ZNF385D: variants seen among roughly 807,000 people sequenced by gnomAD.
The protein encoded by ZNF385D is zinc finger protein 659.
A neutral mutation model predicts 35.8 loss-of-function variants in ZNF385D; 15 were observed. The observed-to-expected ratio is 0.42, with a 90% CI of 0.28 to 0.64. The LOEUF is 0.64. Ranked by LOEUF, ZNF385D falls within the 30% of genes least tolerant of loss-of-function variation. The pLI is 0.23. For synonymous variants in ZNF385D, 212 were observed against 186.8 expected (o/e 1.13, Z -1.10); for missense variants, 474 against 494.6 (o/e 0.96, Z 0.39).
intron 3 of ZNF385D, among the ~76,000 whole-genome samples, chr3:21,990,974 T>C (rs1412364458): frequency 6.6e-6 from 1 of 152,208 alleles, no homozygotes; most frequent in Non-Finnish European, 1.5e-5. Flanking sequence ...AACAGTGCAC[T>C]GTACCAAGAA....
chr3:21,698,527 G>A (rs1326037540), intron 1 of ZNF385D, among the ~76,000 whole-genome samples: 1 of 151,978 alleles, frequency 6.6e-6, no homozygotes, highest in Non-Finnish European at 1.5e-5. Flanking sequence ...TTGGTTGATG[G>A]ATACACTAGA....
rs373427998 is a variant in ZNF385D at position 21,546,112 on chromosome 3, C to T, written c.276+18462G>A. Among the ~76,000 whole-genome samples, 49 of 152,064 alleles carry T rather than the reference C, an allele frequency of 3.2e-4. 1 individual carries two copies. The East Asian group carries it at 7.6e-3, about 23-fold the overall frequency. ...GAGGACTGGAAGGAGAAATTATGTC[C>T]CAAAACTCATCAAACTTACCATACA... On this transcript the variant is annotated intron_variant, in intron 3 of 7. Transcript: ENST00000281523.
chr3:21,554,087 G>T (rs2062651910), intron 3 of ZNF385D, among the ~76,000 whole-genome samples: 1 of 152,122 alleles, frequency 6.6e-6, no homozygotes, highest in African/African-American at 2.4e-5. Context: ...ATGTAGAATG[G>T]TGAATTTTTT....
At chr3:21,437,387 T>C (rs1312339446) in intron 4 of ZNF385D, among the ~76,000 whole-genome samples, 184 bp from the exon 5 acceptor site, 1 of 152,132 alleles carries the variant, frequency 6.6e-6, no homozygotes, top group Non-Finnish European at 1.5e-5. Context: ...TTTAATTTTA[T>C]GTATTAAAAT....
chr3:22,078,915 T>C (rs1355426259), intron 3 of ZNF385D, among the ~76,000 whole-genome samples: 2 of 152,094 alleles, frequency 1.3e-5, no homozygotes, highest in East Asian at 1.9e-4. Context: ...AAAGTATGCT[T>C]TGTCAAAAAA....
intron 3 of ZNF385D, among the ~76,000 whole-genome samples, chr3:21,791,064 A>C (rs2071907715): frequency 6.6e-6 from 1 of 152,342 alleles, no homozygotes; most frequent in Admixed American, 6.5e-5. Flanking sequence ...CTTTATTCTC[A>C]ATTTACCAGA....
At chr3:22,275,883 G>A (rs148293191) in intron 2 of ZNF385D, among the ~76,000 whole-genome samples, 7 of 152,174 alleles carry the variant, frequency 4.6e-5, no homozygotes, top group East Asian at 1.9e-4. Flanking sequence ...TCAGGAGTTC[G>A]AGACCAGCCT....
intron 2 of ZNF385D, among the ~76,000 whole-genome samples, chr3:22,274,669 TTA>T (rs1491247578): frequency 6.6e-6 from 1 of 151,704 alleles, no homozygotes; most frequent in Non-Finnish European, 1.5e-5. Context: ...AGTAAATTTT[TTA>T]AAAAAAAGAA....
At chr3:22,029,920 G>C (rs1388105776) in intron 3 of ZNF385D, among the ~76,000 whole-genome samples, 2 of 152,012 alleles carry the variant, frequency 1.3e-5, no homozygotes, top group African/African-American at 2.4e-5. Flanking sequence ...GATATACAAA[G>C]TATTGATCCC....
intron 3 of ZNF385D, among the ~76,000 whole-genome samples, chr3:22,062,165 A>G (rs555254219): frequency 1.3e-5 from 2 of 152,182 alleles, no homozygotes; most frequent in South Asian, 2.1e-4. Context: ...AACCTCCCAA[A>G]TAGCTGGGAC....
chr3:21,821,611 G>C (rs1323896441), intron 3 of ZNF385D, among the ~76,000 whole-genome samples: 1 of 152,094 alleles, frequency 6.6e-6, no homozygotes, highest in Non-Finnish European at 1.5e-5. Flanking sequence ...AAAGATATTT[G>C]ACTTCATTGA....
chr3:21,657,165 C>A (rs951981703), intron 2 of ZNF385D, among the ~76,000 whole-genome samples: 1 of 151,802 alleles, frequency 6.6e-6, no homozygotes, highest in Non-Finnish European at 1.5e-5. Flanking sequence ...GATACAAAAG[C>A]CATTTACCAC....
At chr3:21,578,174 GATTA>G (rs2125696916) in intron 2 of ZNF385D, among the ~76,000 whole-genome samples, 1 of 151,930 alleles carries the variant, frequency 6.6e-6, no homozygotes, top group Admixed American at 6.6e-5. Context: ...TTTTTAATTG[GATTA>G]ATTTTTTGCT....
chr3:21,853,409 A>G (rs941644037), intron 3 of ZNF385D, among the ~76,000 whole-genome samples: 3 of 151,846 alleles, frequency 2.0e-5, no homozygotes, highest in Non-Finnish European at 4.4e-5. Flanking sequence ...ATCCACTTTA[A>G]TATTTATAGC....
chr3:21,795,267 G>A (rs1575663024), intron 3 of ZNF385D, among the ~76,000 whole-genome samples: 1 of 152,140 alleles, frequency 6.6e-6, no homozygotes, highest in Non-Finnish European at 1.5e-5. Flanking sequence ...TAGGCCTCAG[G>A]GGCCCCATTG....
chr3:21,861,820 C>A (rs1293004904), intron 3 of ZNF385D, among the ~76,000 whole-genome samples: 1 of 152,070 alleles, frequency 6.6e-6, no homozygotes, highest in Non-Finnish European at 1.5e-5. Flanking sequence ...GTTGAAGTAA[C>A]CTGCTCTATG....
At chr3:21,885,993 A>G (rs1277244094) in intron 3 of ZNF385D, among the ~76,000 whole-genome samples, 1 of 152,122 alleles carries the variant, frequency 6.6e-6, no homozygotes, top group Non-Finnish European at 1.5e-5. Flanking sequence ...CACTGATTTA[A>G]GTGTTAATCT....
intron 2 of ZNF385D, among the ~76,000 whole-genome samples, chr3:21,572,720 G>A (rs2063371454): frequency 6.6e-6 from 1 of 152,156 alleles, no homozygotes; most frequent in Admixed American, 6.6e-5. Flanking sequence ...GTGAGAAAAG[G>A]TACTACAGCT....
chr3:21,843,582 T>C (rs1021452409), intron 3 of ZNF385D, among the ~76,000 whole-genome samples: 1 of 151,974 alleles, frequency 6.6e-6, no homozygotes, highest in South Asian at 2.1e-4. Context: ...TATTAATATA[T>C]TGAGCTATTA....
Sources: allele counts gnomAD v4.1 joint callset (sites outside exome capture counted in the v4.1 genomes callset), GRCh38; gene constraint gnomAD v4.1.1; transcripts MANE v1.5; gene names NCBI Gene and HGNC (gene_info 2026-07-23, HGNC 2026-07-21).